The following FRMD8 variants were observed in gnomAD, a reference collection of about 807,000 sequenced individuals.
FRMD8 encodes the protein FERM domain containing 8, also known as FERM domain-containing protein 8.
Under a neutral mutation model 54.2 loss-of-function variants are expected in FRMD8, and 37 were observed. The ratio of observed to expected loss-of-function variants is 0.68; its 90% CI spans 0.53 to 0.90. The LOEUF (loss-of-function observed/expected upper bound fraction) is 0.90. FRMD8 is among the 40% of genes least tolerant of loss of function. The probability of loss-of-function intolerance (pLI) is 0.00; values close to 1 mark genes in which losing one functional copy is unlikely to be tolerated. For missense variants in FRMD8, 585 were observed against 653.7 expected (o/e 0.89, Z 1.15); for synonymous variants, 246 against 286.9 (o/e 0.86, Z 1.44).
intron 10 of FRMD8, among the ~76,000 whole-genome samples, chr11:65,407,961 T>C (rs1856242377): frequency 6.6e-6 from 1 of 151,836 alleles, no homozygotes; most frequent in Non-Finnish European, 1.5e-5. Context: ...GGCCCAGCTG[T>C]GGCCGTCAGC....
At chr11:65,368,361 C>T in the FRMD8 span, among the ~76,000 whole-genome samples, 1 of 151,926 alleles carries the variant, frequency 6.6e-6, no homozygotes, top group Non-Finnish European at 1.5e-5. Context: ...CAGCATGAGC[C>T]ACTGCGCTTG....
chr11:65,395,539 CAAAAA>C (rs948305852), intron 6 of FRMD8, among the ~76,000 whole-genome samples: 19 of 151,800 alleles, frequency 1.3e-4, no homozygotes, highest in Admixed American at 6.6e-5. Flanking sequence ...AACTCCGTCT[CAAAAA>C]AGAAAAAAAA....
At position 65,393,670 on chromosome 11, in the gene FRMD8, C is replaced by A; in HGVS notation, c.351C>A (p.Ala117=). 1 of 1,603,484 alleles carries A rather than the reference C, an allele frequency of 6.2e-7. No individual in the cohort carries two copies. The highest frequency in any genetic ancestry group is 8.5e-7 in the Non-Finnish European group (1 of 1,178,416). ...RFTSAPDDDV[A]MDEPFLQFRR... ...CCAGTGCCCCAGACGATGACGTGGCCATGGGTCAGTGCTGCTGCCTGTCTG... is the reference window on the plus strand; with the variant it reads ...CCAGTGCCCCAGACGATGACGTGGCAATGGGTCAGTGCTGCTGCCTGTCTG... Residue 117 remains alanine (A), a synonymous_variant, in exon 4 of 11, where the codon GCC becomes GCA. Transcript: ENST00000317568.
chr11:65,408,670 T>C (rs1490389106), intron 10 of FRMD8, among the ~76,000 whole-genome samples: 2 of 151,912 alleles, frequency 1.3e-5, no homozygotes, highest in African/African-American at 4.8e-5. Flanking sequence ...TGGAGTGCAA[T>C]GGCCTAGTCA....
intron 10 of FRMD8, among the ~76,000 whole-genome samples, chr11:65,410,397 A>G (rs1856303935): frequency 6.6e-6 from 1 of 152,054 alleles, no homozygotes; most frequent in African/African-American, 2.4e-5. Flanking sequence ...CAGGAGGCTG[A>G]GGCAGGAGAA....
chr11:65,368,973 A>G, the FRMD8 span, among the ~76,000 whole-genome samples: 1 of 152,164 alleles, frequency 6.6e-6, no homozygotes, highest in Non-Finnish European at 1.5e-5. Context: ...AGAGTGTGTC[A>G]TTATAGAATG....
At chr11:65,376,526 T>C in the FRMD8 span, 1 of 1,614,210 alleles carries the variant, frequency 6.2e-7, no homozygotes, top group Non-Finnish European at 8.5e-7. Context: ...TCCTGCCGGA[T>C]GCTGCTCACC....
At chr11:65,376,981 CT>C in the FRMD8 span, 2 of 1,613,426 alleles carry the variant, frequency 1.2e-6, no homozygotes, top group South Asian at 2.2e-5. Context: ...GCACGGGCCC[CT>C]GGTACCGGGG....
intron 6 of FRMD8, among the ~76,000 whole-genome samples, 159 bp downstream of exon 6, chr11:65,394,584 C>T (rs1000997999): frequency 6.6e-6 from 1 of 152,220 alleles, no homozygotes; most frequent in Non-Finnish European, 1.5e-5. Context: ...GCAGTTGTTC[C>T]GCCCCTCAGC....
At chr11:65,384,166 C>T (rs181668010), upstream of FRMD8, among the ~76,000 whole-genome samples, 6 of 152,228 alleles carry the variant, frequency 3.9e-5, no homozygotes, top group East Asian at 5.8e-4. Context: ...CTAAGCATGG[C>T]GTCATCTTGT....
the FRMD8 span, chr11:65,368,067 GTGTTTTTTTTTTT>G: frequency 6.9e-5 from 5 of 72,784 alleles, no homozygotes; most frequent in African/African-American, 1.9e-4. Context: ...ATTTTTTTTG[GTGTTTTTTTTTTT>G]TGTTTTTTTT....
chr11:65,400,042 T>G lies in FRMD8; in HGVS notation c.927+183T>G, dbSNP rs1191815831. ...TGATCCTGGGTCCTCTTGCCCAACA[T>G]GCTAGGCTGTGGGGTGGCCGGGGCA... On this transcript the variant is annotated intron_variant, in intron 8 of 10. Coordinates refer to ENST00000317568, the MANE Select transcript of FRMD8 (RefSeq NM_031904.5). This position sits in a 1 kb window ranked among gnomAD's most constrained non-coding sequence, Gnocchi z 4.3. The G allele has an allele frequency of 5.9e-6, 4 of 673,360 alleles. No homozygotes were observed. The highest frequency in any genetic ancestry group is 9.4e-6 in the Non-Finnish European group (4 of 424,586). The allele number at this position is 673,360 out of a possible 1,614,324, so 41.7% of individuals were successfully genotyped here.
chr11:65,391,180 CG>C (rs1565598296), intron 3 of FRMD8, among the ~76,000 whole-genome samples: 4 of 152,362 alleles, frequency 2.6e-5, no homozygotes, highest in African/African-American at 9.6e-5. Flanking sequence ...TGTCACTCTG[CG>C]TGGAACAGGG....
chr11:65,391,990 A>G (rs1250702861), intron 3 of FRMD8, among the ~76,000 whole-genome samples: 2 of 152,184 alleles, frequency 1.3e-5, no homozygotes, highest in African/African-American at 2.4e-5. Flanking sequence ...CCAGACAGAG[A>G]GAGCATGAGG....
intron 2 of FRMD8, among the ~76,000 whole-genome samples, chr11:65,387,905 T>G (rs1855765724): frequency 6.6e-6 from 1 of 152,046 alleles, no homozygotes. Context: ...AGCTCACACC[T>G]GTAATCCCAG....
chr11:65,371,775 C>T, the FRMD8 span, among the ~76,000 whole-genome samples: 8 of 151,526 alleles, frequency 5.3e-5, no homozygotes, highest in Non-Finnish European at 8.8e-5. Flanking sequence ...CCACCATGCC[C>T]GGCTAATTTT....
intron 10 of FRMD8, among the ~76,000 whole-genome samples, chr11:65,406,464 G>T (rs1856199730): frequency 6.6e-6 from 1 of 151,692 alleles, no homozygotes; most frequent in Non-Finnish European, 1.5e-5. Flanking sequence ...AAAGTGCTGG[G>T]ATTACAGGTG....
At chr11:65,387,342 A>T in intron 2 of FRMD8, 1 of 645,746 alleles carries the variant, frequency 1.5e-6, no homozygotes, top group South Asian at 1.7e-5. Flanking sequence ...AGCTTGTTTA[A>T]CATAGCTGTG....
chr11:65,394,254 T>TG lies in FRMD8; in HGVS notation c.415-4dup, dbSNP rs1455805400. On this transcript the variant is annotated splice_region_variant and splice_polypyrimidine_tract_variant and intron_variant, in intron 5 of 10. Coordinates refer to ENST00000317568, the MANE Select transcript of FRMD8 (RefSeq NM_031904.5). ...AGCGGCTGTCCCTGCCACACCCCCC[T>TG]GCAGATCCATGACGAGGAGGTCCTG... is the stretch of plus-strand genomic sequence containing the variant. 5.0e-6 allele frequency: 8 copies of TG among 1,599,900 alleles called. No homozygotes were observed. The highest frequency in any genetic ancestry group is 6.8e-6 in the Non-Finnish European group (8 of 1,173,596).
Sources: allele counts gnomAD v4.1 joint callset (sites outside exome capture counted in the v4.1 genomes callset), GRCh38; gene constraint gnomAD v4.1.1; non-coding constraint Gnocchi (gnomAD v3.1); transcripts MANE v1.5; gene names NCBI Gene and HGNC (gene_info 2026-07-23, HGNC 2026-07-21).